RAB28: variants seen among roughly 807,000 people sequenced by gnomAD.
The protein encoded by RAB28 is ras-related protein Rab-28.
In RAB28, 24 loss-of-function variants were observed where a neutral mutation model predicts 31.7. The observed-to-expected ratio is 0.76, with a 90% CI of 0.55 to 1.06. RAB28 has a LOEUF of 1.06. Ranked by LOEUF, RAB28 falls within the 50% of genes least tolerant of loss-of-function variation. The pLI is 0.00. For missense variants in RAB28, 254 were observed against 258.5 expected (o/e 0.98, Z 0.12); for synonymous variants, 100 against 90.4 (o/e 1.11, Z -0.60).
chr4:13,454,977 G>A (rs1416386494), intron 4 of RAB28, among the ~76,000 whole-genome samples: 1 of 152,222 alleles, frequency 6.6e-6, no homozygotes, highest in Non-Finnish European at 1.5e-5. Flanking sequence ...GAGGTGGCTT[G>A]CAGGGTTGTT....
intron 4 of RAB28, among the ~76,000 whole-genome samples, chr4:13,452,473 CT>C (rs1560137693): frequency 6.6e-6 from 1 of 151,906 alleles, no homozygotes; most frequent in Non-Finnish European, 1.5e-5. Flanking sequence ...TGTGTTCCTA[CT>C]TTCATTTCTT....
chr4:13,471,205 TA>T (rs1325720005), intron 3 of RAB28, among the ~76,000 whole-genome samples: 4 of 152,066 alleles, frequency 2.6e-5, no homozygotes, highest in Non-Finnish European at 5.9e-5. Context: ...ATAGGTAATA[TA>T]AAGCATCTAT....
chr4:13,470,050 T>C, intron 3 of RAB28, among the ~76,000 whole-genome samples: 1 of 152,002 alleles, frequency 6.6e-6, no homozygotes, highest in East Asian at 1.9e-4. Flanking sequence ...TTGTAAAGCA[T>C]TGCATAGATA....
chr4:13,424,959 T>C (rs1419552962), intron 4 of RAB28, among the ~76,000 whole-genome samples: 1 of 152,214 alleles, frequency 6.6e-6, no homozygotes, highest in African/African-American at 2.4e-5. Flanking sequence ...TTTACCTGAA[T>C]TCTTTAAAAC....
intron 4 of RAB28, among the ~76,000 whole-genome samples, chr4:13,457,406 T>C (rs1323590921): frequency 6.6e-6 from 1 of 152,180 alleles, no homozygotes; most frequent in Non-Finnish European, 1.5e-5. Flanking sequence ...CAGAAGGATC[T>C]TTCATTACAT....
intron 4 of RAB28, among the ~76,000 whole-genome samples, chr4:13,422,301 G>A (rs1045275782): frequency 4.6e-5 from 7 of 152,186 alleles, no homozygotes; most frequent in Admixed American, 1.3e-4. Context: ...CTGTTGGTGG[G>A]AGTGTAAACT....
intron 4 of RAB28, among the ~76,000 whole-genome samples, chr4:13,398,603 C>T (rs1358893249): frequency 6.6e-6 from 1 of 151,918 alleles, no homozygotes; most frequent in East Asian, 1.9e-4. Flanking sequence ...ACGGCGAAAC[C>T]CCATCTCTAC....
intron 4 of RAB28, among the ~76,000 whole-genome samples, chr4:13,403,133 G>T (rs2108902181): frequency 6.6e-6 from 1 of 152,198 alleles, no homozygotes. Flanking sequence ...AATGAATTCT[G>T]CTTTTTTAGT....
chr4:13,370,394 G>A, intron 6 of RAB28: 2 of 883,316 alleles, frequency 2.3e-6, no homozygotes, highest in Non-Finnish European at 2.7e-6. Context: ...CTTTACTGAA[G>A]ATATACTATG....
Position 13,482,628 on chromosome 4 carries a change from C to T in RAB28, c.75+1448G>A, listed in dbSNP as rs540039131. ...ATTTATTTATAGCAATTCATTCATT[C>T]GAAAAGTTTACTAAGTATACAAAAA... On this transcript the variant is annotated intron_variant, in intron 1 of 6. Coordinates refer to ENST00000330852, the MANE Select transcript of RAB28 (RefSeq NM_001017979.3). 3.9e-5 allele frequency among the ~76,000 whole-genome samples: 6 copies of T among 152,132 alleles called. No homozygotes were observed. In the East Asian group the frequency reaches 7.7e-4, roughly 20 times the overall value.
intron 4 of RAB28, among the ~76,000 whole-genome samples, chr4:13,445,981 C>T (rs1714672750): frequency 1.3e-5 from 2 of 152,174 alleles, no homozygotes; most frequent in Admixed American, 1.3e-4. Context: ...AGCCGCCCCT[C>T]CCCCCAGGTG....
At position 13,371,829 on chromosome 4, in the gene RAB28, T is replaced by C. The variant is rs1034220388; in HGVS notation, c.574-3179A>G. On this transcript the variant is annotated intron_variant, in intron 6 of 6. Transcript: ENST00000330852. ...TAGAGCCACAAAGCACACTCGATTA[T>C]TCTCTATTAGTTGATGAAATGAAAA... 3 of 1,547,502 alleles carry C rather than the reference T, an allele frequency of 1.9e-6. No individual in the cohort carries two copies. The African/African-American group carries it at 4.1e-5, about 21-fold the overall frequency.
intron 3 of RAB28, among the ~76,000 whole-genome samples, chr4:13,461,188 T>C (rs956821153): frequency 2.0e-5 from 3 of 152,232 alleles, no homozygotes; most frequent in Non-Finnish European, 4.4e-5. Context: ...CTCACTTTCA[T>C]GAGGTCAAGC....
intron 4 of RAB28, among the ~76,000 whole-genome samples, chr4:13,382,381 T>C (rs545371996): frequency 6.6e-6 from 1 of 152,178 alleles, no homozygotes; most frequent in Admixed American, 6.5e-5. Flanking sequence ...AAGGCAAATA[T>C]ATTCACAGGA....
chr4:13,434,423 T>C (rs1466176264), intron 4 of RAB28, among the ~76,000 whole-genome samples: 1 of 152,152 alleles, frequency 6.6e-6, no homozygotes, highest in African/African-American at 2.4e-5. Context: ...CACACAAGTT[T>C]ATAAAACAAA....
chr4:13,396,791 C>T (rs1729891299), intron 4 of RAB28, among the ~76,000 whole-genome samples: 1 of 152,058 alleles, frequency 6.6e-6, no homozygotes, highest in African/African-American at 2.4e-5. Context: ...TCTGTGTAAG[C>T]ACTTTGTATA....
chr4:13,458,248 G>C (rs1278383457), intron 4 of RAB28, among the ~76,000 whole-genome samples: 1 of 151,828 alleles, frequency 6.6e-6, no homozygotes, highest in Non-Finnish European at 1.5e-5. Flanking sequence ...GTATGACAAT[G>C]CCTGTATTTT....
intron 4 of RAB28, among the ~76,000 whole-genome samples, chr4:13,440,825 G>A (rs759351980): frequency 4.6e-5 from 7 of 151,766 alleles, no homozygotes; most frequent in Admixed American, 2.0e-4. Context: ...TATGACTAGC[G>A]CTGTAAGAAG....
chr4:13,404,077 A>G (rs1327306196), intron 4 of RAB28, among the ~76,000 whole-genome samples: 1 of 152,082 alleles, frequency 6.6e-6, no homozygotes, highest in Non-Finnish European at 1.5e-5. Context: ...TGATTTCTCT[A>G]AAAAAATAAT....
Sources: gnomAD v4.1 joint callset for allele counts (sites outside exome capture counted in the v4.1 genomes callset) on GRCh38, gnomAD v4.1.1 for gene constraint, MANE v1.5 for transcripts, NCBI Gene and HGNC (gene_info 2026-07-23, HGNC 2026-07-21) for gene names.